The following MAP3K9 variants were observed in gnomAD, a reference collection of about 807,000 sequenced individuals.
MAP3K9 encodes mitogen-activated protein kinase kinase kinase 9, also known as mixed lineage kinase 1 (tyr and ser/thr specificity).
MAP3K9 carries 46 observed loss-of-function variants against 95.8 expected under a neutral mutation model. The ratio of observed to expected loss-of-function variants is 0.48; its 90% confidence interval spans 0.38 to 0.61. MAP3K9 has a LOEUF of 0.61. MAP3K9 is among the 20% of genes least tolerant of loss of function. The probability of loss-of-function intolerance (pLI) is 0.00; values close to 1 mark genes in which losing one functional copy is unlikely to be tolerated. For missense variants in MAP3K9, 1,296 were observed against 1,474.3 expected (o/e 0.88, Z 1.98); for synonymous variants, 533 against 593.8 (o/e 0.90, Z 1.49).
chr14:70,779,150 G>A (rs2054640739), intron 2 of MAP3K9, among the ~76,000 whole-genome samples: 1 of 152,194 alleles, frequency 6.6e-6, no homozygotes, highest in African/African-American at 2.4e-5. Flanking sequence ...GAGGTAGAAA[G>A]GGAGAAGAAG....
At chr14:70,786,647 G>A (rs1449614650) in intron 2 of MAP3K9, among the ~76,000 whole-genome samples, 1 of 152,144 alleles carries the variant, frequency 6.6e-6, no homozygotes, top group Non-Finnish European at 1.5e-5. Context: ...GGTCCTAGCT[G>A]GAAAGCCTGG....
chr14:70,738,636 A>G (rs925828333), intron 7 of MAP3K9, among the ~76,000 whole-genome samples: 2 of 152,218 alleles, frequency 1.3e-5, no homozygotes, highest in Non-Finnish European at 2.9e-5. Flanking sequence ...CACAAATCCA[A>G]TGTAAAGCTA....
At chr14:70,781,382 C>A (rs2054674146) in intron 2 of MAP3K9, among the ~76,000 whole-genome samples, 2 of 152,252 alleles carry the variant, frequency 1.3e-5, no homozygotes, top group Admixed American at 1.3e-4. Context: ...ATGGTTCCTG[C>A]CTCCATCTGC....
At position 70,738,228 on chromosome 14, in the gene MAP3K9, T is replaced by C. The variant is rs762076187; in HGVS notation, c.1844+17A>G. ...CATCTTCAAGAGAGAAAGAATTTCA[T>C]GTCATCTGGCACTTACCCTTCATCT... On this transcript the variant is annotated intron_variant, in intron 8 of 11. Transcript: ENST00000554752. 13 of 1,587,396 alleles carry C rather than the reference T, an allele frequency of 8.2e-6. No individual in the cohort carries two copies. Among genetic ancestry groups the C allele is most frequent in the Admixed American group, 5.4e-5 (3 of 55,398 alleles).
rs1274479094 is a variant in MAP3K9, at chr14:70,728,397, T to A, written c.*1983A>T. ...CCTCTGCCTCCCAAAGCGCTGGGAT[T>A]ACAGGCGTGAGCCACCGCGCCCTGT... On this transcript the variant is annotated 3_prime_UTR_variant, in exon 12 of 12. Transcript: ENST00000554752. 6.6e-6 allele frequency: 1 copy of A among 152,234 alleles called. No individual in the cohort carries two copies. Among genetic ancestry groups the A allele is most frequent in the Non-Finnish European group, 1.5e-5 (1 of 68,074 alleles). The allele number at this position is 152,234 out of a possible 1,614,324, so 9.4% of individuals were successfully genotyped here. A position where few individuals can be genotyped will look rare whatever the true frequency, so the allele number is the denominator to read the frequency against.
intron 2 of MAP3K9, among the ~76,000 whole-genome samples, chr14:70,764,046 C>T (rs1733295125): frequency 6.8e-6 from 1 of 147,670 alleles, no homozygotes; most frequent in Non-Finnish European, 1.5e-5. Context: ...ATTAGCTGGG[C>T]GCGGTGGCGG....
chr14:70,800,869 T>C lies in MAP3K9; in HGVS notation c.618A>G (p.Leu206=). ...TGGGCTCCTTCAGACATACCCCTCT[T>C]AGGGCAATGATGTTGGGGTGCTTCA... ...AMLKHPNIIA[L]RGVCLKEPNL... is the part of the protein sequence containing the mutation. Residue 206 remains leucine (L), a synonymous_variant, in exon 2 of 12, where the codon CTA becomes CTG. Coordinates refer to ENST00000554752, the MANE Select transcript of MAP3K9 (RefSeq NM_001284230.2). 1 of 1,614,130 alleles carries C rather than the reference T, an allele frequency of 6.2e-7. No individual in the cohort carries two copies. Among genetic ancestry groups the C allele is most frequent in the Non-Finnish European group, 8.5e-7 (1 of 1,180,016 alleles).
chr14:70,741,903 T>C (rs777997674), intron 6 of MAP3K9, among the ~76,000 whole-genome samples: 3 of 152,180 alleles, frequency 2.0e-5, no homozygotes, highest in Non-Finnish European at 4.4e-5. Context: ...GCCAAGATCT[T>C]GTCATTGCAC....
intron 5 of MAP3K9, among the ~76,000 whole-genome samples, chr14:70,744,524 G>A (rs2054119373): frequency 6.6e-6 from 1 of 152,072 alleles, no homozygotes; most frequent in Non-Finnish European, 1.5e-5. Context: ...AATCTTCATG[G>A]TCACTTGAGG....
Position 70,800,733 on chromosome 14 carries a change from CTCTGGCAA to C in MAP3K9, c.746_753del (p.Ile249ArgfsTer7). The C allele has an allele frequency of 6.2e-7, 1 of 1,614,140 alleles. No individual in the cohort carries two copies. Among genetic ancestry groups the C allele is most frequent in the Non-Finnish European group, 8.5e-7 (1 of 1,180,026 alleles). ...GCCTCATCATGTAAGTAGTTCATCC[CTCTGGCAA>C]TCTGCACAGCCCAATTCACCAGGAT... is the stretch of plus-strand genomic sequence containing the variant. On this transcript the variant is annotated frameshift_variant, in exon 2 of 12. Coordinates refer to ENST00000554752, the MANE Select transcript of MAP3K9 (RefSeq NM_001284230.2). LOFTEE classifies it high-confidence loss of function.
chr14:70,733,469 G>A lies in MAP3K9; in HGVS notation c.2027-127C>T, dbSNP rs987248139. On this transcript the variant is annotated intron_variant, in intron 10 of 11. Transcript: ENST00000554752. ...CTCAGGGACACAAAGGTTCAATGGT[G>A]TGATGAGCAGGACATGGAATTGAAC... 1.5e-5 allele frequency: 9 copies of A among 606,084 alleles called. No homozygotes were observed. The Admixed American group carries it at 2.4e-4, about 16-fold the overall frequency. 37.5% of individuals were successfully genotyped at this position (606,084 alleles called of 1,614,324 possible).
At chr14:70,747,488 G>C (rs2054163631) in intron 5 of MAP3K9, among the ~76,000 whole-genome samples, 1 of 152,180 alleles carries the variant, frequency 6.6e-6, no homozygotes, top group Admixed American at 6.5e-5. Context: ...AAATTAACCA[G>C]TGTTGGGTAT....
chr14:70,736,274 AC>A (rs2053985876), intron 8 of MAP3K9, among the ~76,000 whole-genome samples: 1 of 152,164 alleles, frequency 6.6e-6, no homozygotes, highest in Admixed American at 6.5e-5. Context: ...ATCCATAGAT[AC>A]CCAAGCAGTC....
intron 6 of MAP3K9, among the ~76,000 whole-genome samples, chr14:70,741,372 G>C (rs1160321007): frequency 1.3e-5 from 2 of 152,168 alleles, no homozygotes; most frequent in African/African-American, 4.8e-5. Flanking sequence ...TTATAGGCAT[G>C]AGCCATTGCA....
chr14:70,732,432 G>A (rs2053917549), intron 11 of MAP3K9, 107 bp downstream of exon 11: 2 of 1,439,184 alleles, frequency 1.4e-6, no homozygotes, highest in Non-Finnish European at 1.8e-6. Flanking sequence ...GAGGAGGAAT[G>A]GTGTTCACTC....
In MAP3K9 at chr14:70,724,178, G is replaced by A. The variant is rs1009274848; in HGVS notation, c.*6202C>T. On this transcript the variant is annotated 3_prime_UTR_variant, in exon 12 of 12. Coordinates refer to ENST00000554752, the MANE Select transcript of MAP3K9 (RefSeq NM_001284230.2). ...AGAGGTTTAAGAGGAGAATCTAAAG[G>A]AGCCTCTCTGCCATAATCACTTCCC... is the stretch of plus-strand genomic sequence containing the variant. 6.6e-6 allele frequency: 1 copy of A among 152,134 alleles called. No individual in the cohort carries two copies. The highest frequency in any genetic ancestry group is 2.4e-5 in the African/African-American group (1 of 41,406). The allele number at this position is 152,134 out of a possible 1,614,324, so 9.4% of individuals were successfully genotyped here.
In MAP3K9 at chr14:70,806,710, C is replaced by G. The variant is rs144784006; in HGVS notation, c.406+2056G>C. Among the ~76,000 whole-genome samples the G allele has an allele frequency of 6.4e-3, 971 of 152,328 alleles. 11 individuals carry two copies. The highest frequency in any genetic ancestry group is 0.021 in the African/African-American group (883 of 41,566). ...TAAGTCATACTGACTCTTGACTGCT[C>G]TAGCAGCCAGAGCACAAGATATTGA... On this transcript the variant is annotated intron_variant, in intron 1 of 11. Coordinates refer to ENST00000554752, the MANE Select transcript of MAP3K9 (RefSeq NM_001284230.2).
rs1359181904 is a variant in MAP3K9, at chr14:70,733,138, G to C, written c.2231C>G (p.Ala744Gly). ...TPTNSLKRGGAHHRRCEVALL... is the reference protein window; with the variant it reads ...TPTNSLKRGGGHHRRCEVALL... ...AGCCACCTCGCAGCGGCGGTGGTGG[G>C]CACCGCCCCGCTTGAGGCTGTTGGT... is the stretch of plus-strand genomic sequence containing the variant. Residue 744 changes from alanine to glycine, a missense_variant, in exon 11 of 12, where the codon GCC (alanine) becomes GGC (glycine). Ala to Gly is a moderately conservative substitution (Grantham distance 60). Transcript: ENST00000554752. 5 of 1,613,350 alleles carry C rather than the reference G, an allele frequency of 3.1e-6. No homozygotes were observed. Among genetic ancestry groups the C allele is most frequent in the Non-Finnish European group, 4.2e-6 (5 of 1,179,590 alleles).
intron 4 of MAP3K9, 140 bp downstream of exon 4, chr14:70,749,793 T>A: frequency 2.1e-6 from 2 of 956,128 alleles, no homozygotes; most frequent in Non-Finnish European, 3.1e-6. Context: ...GCCTTTCCAG[T>A]TGCCCAGAGG....
Sources: gnomAD v4.1 joint callset for allele counts (sites outside exome capture counted in the v4.1 genomes callset) on GRCh38, gnomAD v4.1.1 for gene constraint, MANE v1.5 for transcripts, NCBI Gene and HGNC (gene_info 2026-07-23, HGNC 2026-07-21) for gene names.